Variants in BMPR1B observed in about 807,000 individuals in gnomAD.
BMPR1B encodes bone morphogenetic protein receptor type 1B.
Under a neutral mutation model 59.1 loss-of-function variants are expected in BMPR1B, and 12 were observed. The observed-to-expected ratio is 0.20, with a 90% CI of 0.13 to 0.33. The LOEUF (loss-of-function observed/expected upper bound fraction) is 0.33. Among genes scored for constraint, BMPR1B ranks in the 10% least tolerant of loss-of-function variants. The pLI, the probability that BMPR1B is intolerant of heterozygous loss-of-function variation, is 1.00. For missense variants in BMPR1B, 550 were observed against 610.9 expected, an observed-to-expected ratio of 0.90 and a Z score of 1.05; for synonymous variants, 237 against 207.3, an observed-to-expected ratio of 1.14 and a Z score of -1.23.
chr4:94,866,889 T>C (rs1726269141), intron 1 of BMPR1B, among the ~76,000 whole-genome samples: 2 of 152,206 alleles, frequency 1.3e-5, no homozygotes, highest in South Asian at 2.1e-4. Flanking sequence ...GCCTCATTCA[T>C]TGTTTATTTC....
intron 2 of BMPR1B, among the ~76,000 whole-genome samples, chr4:94,942,986 C>T (rs977458893): frequency 1.3e-5 from 2 of 152,150 alleles, no homozygotes; most frequent in African/African-American, 4.8e-5. Context: ...CTTCAGTCGT[C>T]AACCTTCCAC....
chr4:94,990,817 T>C (rs1276219766), intron 2 of BMPR1B, among the ~76,000 whole-genome samples: 1 of 152,136 alleles, frequency 6.6e-6, no homozygotes, highest in African/African-American at 2.4e-5. Context: ...TAACATTAGG[T>C]ATTGTTTGTT....
intron 7 of BMPR1B, among the ~76,000 whole-genome samples, chr4:95,124,214 G>A (rs1349775338): frequency 6.6e-6 from 1 of 151,868 alleles, no homozygotes; most frequent in Non-Finnish European, 1.5e-5. Flanking sequence ...GCAGAGAAAT[G>A]GCCATGTTGA....
intron 1 of BMPR1B, among the ~76,000 whole-genome samples, chr4:94,849,503 G>A (rs1028292710): frequency 2.0e-5 from 3 of 152,060 alleles, no homozygotes; most frequent in African/African-American, 7.2e-5. Context: ...ATGAGGTCAA[G>A]AGAGTTTTCT....
intron 3 of BMPR1B, among the ~76,000 whole-genome samples, chr4:95,036,975 A>G (rs892058424): frequency 6.6e-6 from 1 of 152,058 alleles, no homozygotes; most frequent in Non-Finnish European, 1.5e-5. Context: ...GCCTTTCGAA[A>G]ATCAATGTAG....
intron 3 of BMPR1B, among the ~76,000 whole-genome samples, chr4:95,032,249 G>C (rs905397842): frequency 1.3e-5 from 2 of 152,002 alleles, no homozygotes; most frequent in Non-Finnish European, 2.9e-5. Flanking sequence ...TCACATGACT[G>C]GGGGAGAGAG....
chr4:94,901,513 C>T (rs543505579), intron 2 of BMPR1B, among the ~76,000 whole-genome samples: 7 of 151,996 alleles, frequency 4.6e-5, no homozygotes, highest in Non-Finnish European at 7.4e-5. Flanking sequence ...ATACAGAGAA[C>T]GACCTTGAAG....
intron 3 of BMPR1B, among the ~76,000 whole-genome samples, chr4:95,071,085 C>G (rs1240088476): frequency 6.6e-6 from 1 of 152,096 alleles, no homozygotes. Context: ...GTATCTGTTT[C>G]ATAATATAAA....
intron 3 of BMPR1B, among the ~76,000 whole-genome samples, chr4:95,050,352 G>C (rs1298921628): frequency 1.3e-5 from 2 of 152,162 alleles, no homozygotes; most frequent in Non-Finnish European, 2.9e-5. Flanking sequence ...AGTAAACTTA[G>C]AGTAGTTTAA....
chr4:94,922,468 C>T (rs1022967878), intron 2 of BMPR1B, among the ~76,000 whole-genome samples: 7 of 152,136 alleles, frequency 4.6e-5, no homozygotes, highest in East Asian at 1.9e-4. Context: ...AAATTAGTTT[C>T]GTTTTGCAGA....
intron 2 of BMPR1B, among the ~76,000 whole-genome samples, chr4:94,975,357 GTTTTTGTTTT>G (rs1730983722): frequency 1.1e-5 from 1 of 94,220 alleles, no homozygotes; most frequent in African/African-American, 4.6e-5. Context: ...ATTTCCTTTT[GTTTTTGTTTT>G]TTTTTTTTTT....
At chr4:94,775,637 A>G (rs998518697) in intron 1 of BMPR1B, among the ~76,000 whole-genome samples, 1 of 152,230 alleles carries the variant, frequency 6.6e-6, no homozygotes, top group Admixed American at 6.5e-5. Flanking sequence ...TGAAGCTTGA[A>G]TAGATTTTAA....
At chr4:94,795,703 A>T (rs1723163061) in intron 1 of BMPR1B, among the ~76,000 whole-genome samples, 1 of 152,072 alleles carries the variant, frequency 6.6e-6, no homozygotes, top group Non-Finnish European at 1.5e-5. Context: ...CCCTCAAGTG[A>T]TCCGCCCACC....
At chr4:94,904,860 T>C (rs555882919) in intron 2 of BMPR1B, among the ~76,000 whole-genome samples, 3 of 152,152 alleles carry the variant, frequency 2.0e-5, no homozygotes, top group Non-Finnish European at 4.4e-5. Flanking sequence ...TTGTTTTTCT[T>C]CATCATCCCT....
chr4:94,762,238 A>C (rs899605333), intron 1 of BMPR1B, among the ~76,000 whole-genome samples: 3 of 152,236 alleles, frequency 2.0e-5, no homozygotes, highest in African/African-American at 7.2e-5. Flanking sequence ...TGTGACTATA[A>C]GAGACACAGA....
intron 1 of BMPR1B, among the ~76,000 whole-genome samples, chr4:94,765,062 C>T (rs551661794): frequency 5.3e-5 from 8 of 152,098 alleles, no homozygotes; most frequent in Non-Finnish European, 7.4e-5. Flanking sequence ...GTCTAAGTGG[C>T]TCTTGTTAAC....
chr4:94,981,003 A>ACGCGCGCGTACGCGTGCG (rs141994255), intron 2 of BMPR1B, among the ~76,000 whole-genome samples: 14 of 90,796 alleles, frequency 1.5e-4, no homozygotes, highest in Admixed American at 6.6e-4. Flanking sequence ...ACACACACAC[A>ACGCGCGCGTACGCGTGCG]CACACACACA....
chr4:94,976,491 C>T (rs1235239397), intron 2 of BMPR1B, among the ~76,000 whole-genome samples: 1 of 152,170 alleles, frequency 6.6e-6, no homozygotes, highest in African/African-American at 2.4e-5. Context: ...TTATATAGCT[C>T]TCCTACATGC....
rs556735678 is a variant in BMPR1B, at chr4:95,047,188, A to G, written c.-18+51054A>G. Among the ~76,000 whole-genome samples, 40 of 152,310 alleles carry G rather than the reference A, an allele frequency of 2.6e-4. No homozygotes were observed. The South Asian group carries it at 7.5e-3, about 28-fold the overall frequency. ...GGGCTGTATATGTGTCACAGCTAAG[A>G]AAGGAACAATGGTATATTACCAGCA... On this transcript the variant is annotated intron_variant, in intron 3 of 12. Coordinates refer to ENST00000515059, the MANE Select transcript of BMPR1B (RefSeq NM_001203.3).
Sources: gnomAD v4.1 joint callset for allele counts (sites outside exome capture counted in the v4.1 genomes callset) on GRCh38, gnomAD v4.1.1 for gene constraint, MANE v1.5 for transcripts, NCBI Gene and HGNC (gene_info 2026-07-23, HGNC 2026-07-21) for gene names.